The following PLPPR1 variants were observed in gnomAD, a reference collection of about 807,000 sequenced individuals.
PLPPR1 encodes the protein phospholipid phosphatase related 1, also known as phospholipid phosphatase-related protein type 1.
In PLPPR1, 10 loss-of-function variants were observed where a neutral mutation model predicts 33.1. The ratio of observed to expected loss-of-function variants is 0.30; its 90% CI spans 0.19 to 0.51. The LOEUF is 0.51. Ranked by LOEUF, PLPPR1 falls within the 20% of genes least tolerant of loss-of-function variation. The pLI is 0.97. For missense variants in PLPPR1, 304 were observed against 408.1 expected (o/e 0.74, Z 2.20); for synonymous variants, 151 against 151.0 (o/e 1.00, Z 0.00).
chr9:101,134,392 T>C (rs566804356), intron 1 of PLPPR1, among the ~76,000 whole-genome samples: 93 of 152,026 alleles, frequency 6.1e-4, no homozygotes, highest in African/African-American at 2.1e-3. Context: ...AGGATTTTTT[T>C]TTTTTTTTGA....
At chr9:101,096,804 C>T (rs1475789939) in intron 1 of PLPPR1, among the ~76,000 whole-genome samples, 1 of 152,152 alleles carries the variant, frequency 6.6e-6, no homozygotes, top group African/African-American at 2.4e-5. Flanking sequence ...GTGGTTCACA[C>T]CTGTAATCCC....
chr9:101,303,755 T>A (rs1828795752), intron 4 of PLPPR1, among the ~76,000 whole-genome samples: 4 of 152,204 alleles, frequency 2.6e-5, no homozygotes, highest in African/African-American at 9.7e-5. Flanking sequence ...TGTTTTTATG[T>A]CTTTTTCACT....
At chr9:101,044,573 A>T (rs1361070047) in intron 1 of PLPPR1, among the ~76,000 whole-genome samples, 1 of 152,216 alleles carries the variant, frequency 6.6e-6, no homozygotes, top group Non-Finnish European at 1.5e-5. Context: ...GGTAAATTTT[A>T]AAATTCTGCA....
intron 1 of PLPPR1, among the ~76,000 whole-genome samples, chr9:101,075,758 G>A (rs1040416487): frequency 6.6e-6 from 1 of 152,182 alleles, no homozygotes; most frequent in Admixed American, 6.6e-5. Flanking sequence ...AGCAATTAAT[G>A]ATAGCGTACC....
At chr9:101,129,400 C>T (rs1210781630) in intron 1 of PLPPR1, among the ~76,000 whole-genome samples, 1 of 152,136 alleles carries the variant, frequency 6.6e-6, no homozygotes, top group Non-Finnish European at 1.5e-5. Flanking sequence ...TATGTCCACA[C>T]AAAAACCTGT....
chr9:101,051,367 G>A (rs1396620129), intron 1 of PLPPR1, among the ~76,000 whole-genome samples: 20 of 151,996 alleles, frequency 1.3e-4, no homozygotes, highest in Admixed American at 1.3e-3. Flanking sequence ...AACATGAGCA[G>A]CAGCTCATCA....
intron 1 of PLPPR1, among the ~76,000 whole-genome samples, chr9:101,174,153 T>C (rs999119078): frequency 1.3e-5 from 2 of 152,046 alleles, no homozygotes; most frequent in Admixed American, 6.6e-5. Context: ...TGAGATCCTG[T>C]CAGAAAAAGA....
At chr9:101,196,772 G>A (rs1826402369) in intron 2 of PLPPR1, among the ~76,000 whole-genome samples, 2 of 152,054 alleles carry the variant, frequency 1.3e-5, no homozygotes, top group Admixed American at 6.5e-5. Flanking sequence ...GGCTGAGGCG[G>A]GAGAATGGCG....
intron 6 of PLPPR1, among the ~76,000 whole-genome samples, chr9:101,314,028 C>T (rs1588123418): frequency 6.6e-6 from 1 of 152,096 alleles, no homozygotes; most frequent in African/African-American, 2.4e-5. Context: ...ATGGTCACAC[C>T]TCAGAGATGC....
At chr9:101,073,231 C>T (rs779060465) in intron 1 of PLPPR1, among the ~76,000 whole-genome samples, 6 of 152,068 alleles carry the variant, frequency 3.9e-5, no homozygotes, top group African/African-American at 9.7e-5. Context: ...TGTAGCTCAC[C>T]AATACAGGAT....
At chr9:101,078,087 G>GGAGAAGGAGAAGGAGA (rs1830562241) in intron 1 of PLPPR1, among the ~76,000 whole-genome samples, 3 of 67,784 alleles carry the variant, frequency 4.4e-5, no homozygotes, top group Non-Finnish European at 8.8e-5. Flanking sequence ...AATGGAGGAG[G>GGAGAAGGAGAAGGAGA]AGGAGAAGGA....
At chr9:101,235,830 T>A (rs1827288644) in intron 2 of PLPPR1, among the ~76,000 whole-genome samples, 1 of 151,820 alleles carries the variant, frequency 6.6e-6, no homozygotes, top group Non-Finnish European at 1.5e-5. Flanking sequence ...CTTATTAGCC[T>A]CTCATTAGTG....
At chr9:101,302,267 TG>T in intron 4 of PLPPR1, among the ~76,000 whole-genome samples, 1 of 152,328 alleles carries the variant, frequency 6.6e-6, no homozygotes, top group South Asian at 2.1e-4. Context: ...TATTAGCTAT[TG>T]TTATTATTAC....
At chr9:101,096,248 A>G (rs1047012907) in intron 1 of PLPPR1, among the ~76,000 whole-genome samples, 3 of 152,198 alleles carry the variant, frequency 2.0e-5, no homozygotes, top group Non-Finnish European at 2.9e-5. Context: ...CCTGGGGGCC[A>G]TAGAGGACCA....
intron 2 of PLPPR1, among the ~76,000 whole-genome samples, chr9:101,225,028 C>G (rs934978711): frequency 2.0e-5 from 3 of 152,146 alleles, no homozygotes; most frequent in Non-Finnish European, 4.4e-5. Context: ...TTCGGTGATA[C>G]TTTTATAGCC....
intron 4 of PLPPR1, among the ~76,000 whole-genome samples, chr9:101,297,176 A>T (rs942944549): frequency 6.6e-6 from 1 of 152,172 alleles, no homozygotes; most frequent in Admixed American, 6.5e-5. Flanking sequence ...ATTTTTTATC[A>T]TGAATATGTT....
chr9:101,276,982 G>T (rs1828208665), intron 3 of PLPPR1, among the ~76,000 whole-genome samples: 7 of 152,172 alleles, frequency 4.6e-5, no homozygotes, highest in Admixed American at 4.6e-4. Context: ...CAAGTAAGGG[G>T]ACAGGAAGCT....
At chr9:101,038,979 A>T (rs1365728182) in intron 1 of PLPPR1, among the ~76,000 whole-genome samples, 1 of 152,136 alleles carries the variant, frequency 6.6e-6, no homozygotes, top group Non-Finnish European at 1.5e-5. Flanking sequence ...ACATATTGGT[A>T]GAGATTTATT....
intron 1 of PLPPR1, among the ~76,000 whole-genome samples, chr9:101,166,651 C>G (rs1825862100): frequency 6.6e-6 from 1 of 152,090 alleles, no homozygotes. Context: ...AAATTAACTC[C>G]AGAAATATTA....
Sources: gnomAD v4.1 joint callset for allele counts (sites outside exome capture counted in the v4.1 genomes callset) on GRCh38, gnomAD v4.1.1 for gene constraint, MANE v1.5 for transcripts, NCBI Gene and HGNC (gene_info 2026-07-23, HGNC 2026-07-21) for gene names.